Variants in PRR16 observed in about 807,000 individuals in gnomAD.
PRR16 encodes the protein proline rich 16.
In PRR16, 6 loss-of-function variants were observed where a neutral mutation model predicts 18.2. The ratio of observed to expected loss-of-function variants is 0.33; its 90% CI spans 0.18 to 0.65. The LOEUF (loss-of-function observed/expected upper bound fraction) is 0.65. Among genes scored for constraint, PRR16 ranks in the 30% least tolerant of loss-of-function variants. The pLI, the probability that PRR16 is intolerant of heterozygous loss-of-function variation, is 0.74. For missense variants in PRR16, 412 were observed against 376.6 expected, an observed-to-expected ratio of 1.09 and a Z score of -0.78; for synonymous variants, 151 against 147.8, an observed-to-expected ratio of 1.02 and a Z score of -0.16.
chr5:120,604,474 A>C (rs1281967858), intron 1 of PRR16, among the ~76,000 whole-genome samples: 1 of 152,136 alleles, frequency 6.6e-6, no homozygotes, highest in East Asian at 1.9e-4. Context: ...TGAAGACAGC[A>C]TACAGTTGGT....
intron 1 of PRR16, among the ~76,000 whole-genome samples, chr5:120,492,949 C>T (rs1750114620): frequency 6.6e-6 from 1 of 152,158 alleles, no homozygotes; most frequent in Admixed American, 6.6e-5. Flanking sequence ...TTTTCTTAAT[C>T]CACTTGTTGG....
At chr5:120,510,778 A>G (rs192875442) in intron 1 of PRR16, among the ~76,000 whole-genome samples, 69 of 152,314 alleles carry the variant, frequency 4.5e-4, no homozygotes, top group African/African-American at 1.5e-3. Flanking sequence ...ATACAGTGTT[A>G]TATAGATTTC....
At chr5:120,497,458 T>C (rs761114714) in intron 1 of PRR16, among the ~76,000 whole-genome samples, 2 of 147,552 alleles carry the variant, frequency 1.4e-5, no homozygotes, top group Admixed American at 6.8e-5. Context: ...TGGCGTGATC[T>C]TGGTTCACTG....
intron 1 of PRR16, among the ~76,000 whole-genome samples, chr5:120,621,176 C>T (rs1287504610): frequency 6.6e-6 from 1 of 152,118 alleles, no homozygotes. Flanking sequence ...CCTTACCAAA[C>T]TCTACTCCTT....
At chr5:120,774,203 G>T in the PRR16 span, among the ~76,000 whole-genome samples, 1 of 152,118 alleles carries the variant, frequency 6.6e-6, no homozygotes, top group African/African-American at 2.4e-5. Context: ...ATGGTTTCAT[G>T]ATTTAATTGT....
the PRR16 span, among the ~76,000 whole-genome samples, chr5:120,740,030 G>A: frequency 7.9e-3 from 1,202 of 152,150 alleles, 7 homozygotes; most frequent in Middle Eastern, 0.027. Context: ...CTAGGACCCC[G>A]GACTATTATT....
intron 1 of PRR16, among the ~76,000 whole-genome samples, chr5:120,624,011 A>G (rs909515362): frequency 6.6e-6 from 1 of 152,142 alleles, no homozygotes; most frequent in Non-Finnish European, 1.5e-5. Flanking sequence ...TTGTGTGATT[A>G]AAAAGTTAAA....
intron 1 of PRR16, among the ~76,000 whole-genome samples, chr5:120,489,588 G>C (rs1398003544): frequency 6.6e-6 from 1 of 152,030 alleles, no homozygotes; most frequent in Non-Finnish European, 1.5e-5. Context: ...CACACTGATG[G>C]GTCTTGACTC....
At chr5:120,769,146 ATTTC>A in the PRR16 span, among the ~76,000 whole-genome samples, 1 of 151,442 alleles carries the variant, frequency 6.6e-6, no homozygotes, top group Non-Finnish European at 1.5e-5. Context: ...GAACCTTTAA[ATTTC>A]TTTAGTCCTC....
the PRR16 span, among the ~76,000 whole-genome samples, chr5:120,762,890 C>T: frequency 6.6e-6 from 1 of 152,228 alleles, no homozygotes; most frequent in African/African-American, 2.4e-5. Flanking sequence ...CTTCTACTAA[C>T]ATTGTAACTT....
chr5:120,690,566 A>G (rs1418660086), downstream of PRR16, among the ~76,000 whole-genome samples: 5 of 152,210 alleles, frequency 3.3e-5, no homozygotes, highest in Admixed American at 2.0e-4. Flanking sequence ...ATAAAAAGCC[A>G]TATCACGAAA....
chr5:120,723,475 T>C, the PRR16 span, among the ~76,000 whole-genome samples: 1 of 152,010 alleles, frequency 6.6e-6, no homozygotes, highest in African/African-American at 2.4e-5. Flanking sequence ...ATTACAAAAA[T>C]TTAATGACTT....
chr5:120,680,244 T>G (rs1315872556), intron 1 of PRR16, among the ~76,000 whole-genome samples: 1 of 152,164 alleles, frequency 6.6e-6, no homozygotes, highest in African/African-American at 2.4e-5. Flanking sequence ...TCTCTGAATT[T>G]GATGTGTATT....
At chr5:120,470,513 T>G (rs756775345) in intron 1 of PRR16, among the ~76,000 whole-genome samples, 19 of 152,180 alleles carry the variant, frequency 1.2e-4, no homozygotes, top group Non-Finnish European at 2.6e-4. Context: ...ATTTTCTACT[T>G]TCTTGAATGA....
intron 1 of PRR16, among the ~76,000 whole-genome samples, chr5:120,631,587 A>T (rs1755056466): frequency 6.6e-6 from 1 of 152,076 alleles, no homozygotes; most frequent in South Asian, 2.1e-4. Context: ...GGTGACCTGT[A>T]TGACTCAGTA....
chr5:120,506,056 A>G (rs1022805273), intron 1 of PRR16, among the ~76,000 whole-genome samples: 4 of 151,428 alleles, frequency 2.6e-5, no homozygotes, highest in African/African-American at 9.7e-5. Context: ...ATGACAACCA[A>G]TGAAACTTTT....
Position 120,619,161 on chromosome 5 carries a change from T to C in PRR16, c.160-66793T>C, listed in dbSNP as rs530072429. On this transcript the variant is annotated intron_variant, in intron 1 of 1. Coordinates refer to ENST00000407149, the MANE Select transcript of PRR16 (RefSeq NM_001300783.2). ...GCAATCCTCTGTACATATTACGTGATGCCCCACACATAATTTCCTAAAGTC... is the reference window on the plus strand; with the variant it reads ...GCAATCCTCTGTACATATTACGTGACGCCCCACACATAATTTCCTAAAGTC... 1.3e-3 allele frequency among the ~76,000 whole-genome samples: 192 copies of C among 152,254 alleles called. 1 individual carries two copies. The highest frequency in any genetic ancestry group is 4.4e-3 in the African/African-American group (184 of 41,570).
intron 1 of PRR16, among the ~76,000 whole-genome samples, chr5:120,559,780 G>T (rs1285237100): frequency 6.6e-6 from 1 of 151,784 alleles, no homozygotes; most frequent in Non-Finnish European, 1.5e-5. Context: ...TTCTTCCAAT[G>T]CATGGAGCAT....
intron 1 of PRR16, among the ~76,000 whole-genome samples, chr5:120,500,975 A>G (rs1442623788): frequency 6.6e-6 from 1 of 152,032 alleles, no homozygotes. Context: ...CCTATATAAC[A>G]ACTCAGAATA....
Sources: gnomAD v4.1 joint callset for allele counts (sites outside exome capture counted in the v4.1 genomes callset) on GRCh38, gnomAD v4.1.1 for gene constraint, MANE v1.5 for transcripts, NCBI Gene and HGNC (gene_info 2026-07-23, HGNC 2026-07-21) for gene names.